Variants in ASB5 observed in about 807,000 individuals in gnomAD.
ASB5 encodes the protein ankyrin repeat and SOCS box containing 5.
In ASB5, 45 loss-of-function variants were observed where a neutral mutation model predicts 42.1. The observed-to-expected ratio is 1.07, with a 90% confidence interval of 0.84 to 1.37. The LOEUF is 1.37. Among genes scored for constraint, ASB5 ranks in the 40% most tolerant of loss-of-function variants. The probability of loss-of-function intolerance (pLI) is 0.00; values close to 1 mark genes in which losing one functional copy is unlikely to be tolerated. For missense variants in ASB5, 402 were observed against 399.8 expected (o/e 1.01, Z -0.05); for synonymous variants, 147 against 150.6 (o/e 0.98, Z 0.18).
chr4:176,219,747 A>G (rs1753148276), intron 5 of ASB5, among the ~76,000 whole-genome samples: 1 of 150,576 alleles, frequency 6.6e-6, no homozygotes, highest in South Asian at 2.1e-4. Context: ...TTGTATTTTT[A>G]ATAGAGACAG....
Position 176,245,303 on chromosome 4 carries a change from T to C in ASB5, c.197-19962A>G, listed in dbSNP as rs577323398. 1.2e-4 allele frequency among the ~76,000 whole-genome samples: 18 copies of C among 152,224 alleles called. No homozygotes were observed. The South Asian group carries it at 3.7e-3, about 32-fold the overall frequency. ...CAACAGACACATGAAAAAATGCTCATCATCACTGGTCATCAGAGAAATGCA... is the reference window on the plus strand; with the variant it reads ...CAACAGACACATGAAAAAATGCTCACCATCACTGGTCATCAGAGAAATGCA... On this transcript the variant is annotated intron_variant, in intron 1 of 6. Transcript: ENST00000296525.
At position 176,215,630 on chromosome 4, in the gene ASB5, CGTT is replaced by C. The variant is rs1561248482; in HGVS notation, c.957_959del (p.Thr320del). On this transcript the variant is annotated inframe_deletion, in exon 7 of 7. Coordinates refer to ENST00000296525, the MANE Select transcript of ASB5 (RefSeq NM_080874.4). The stretch of plus-strand genomic sequence containing the variant: ...GATACTGTAAGAAATTCTTCAGTAA[CGTT>C]GGCAGCTGGAGTTGTGGGATAAGGT... The C allele has an allele frequency of 3.7e-6, 6 of 1,612,710 alleles. No individual in the cohort carries two copies. The South Asian group carries it at 6.6e-5, about 18-fold the overall frequency.
At chr4:176,216,436 C>T (rs1203238098) in intron 6 of ASB5, among the ~76,000 whole-genome samples, 2 of 152,082 alleles carry the variant, frequency 1.3e-5, no homozygotes, top group African/African-American at 2.4e-5. Flanking sequence ...CTGCAACCTC[C>T]GCCTCCCGGG....
At chr4:176,236,179 T>A (rs63476661) in intron 1 of ASB5, among the ~76,000 whole-genome samples, 1 of 149,224 alleles carries the variant, frequency 6.7e-6, no homozygotes, top group South Asian at 2.1e-4. Flanking sequence ...TTTTTTTTTT[T>A]AATTTTTGCC....
At chr4:176,250,935 C>A (rs957582544) in intron 1 of ASB5, among the ~76,000 whole-genome samples, 3 of 152,154 alleles carry the variant, frequency 2.0e-5, no homozygotes, top group Non-Finnish European at 4.4e-5. Context: ...ATTCTTTTTA[C>A]CCACTTTGTC....
At chr4:176,225,175 G>T in intron 2 of ASB5, 87 bp downstream of exon 2, 1 of 1,083,384 alleles carries the variant, frequency 9.2e-7, no homozygotes, top group Non-Finnish European at 1.4e-6. Context: ...AATGTAAGTG[G>T]TTTTATCATA....
chr4:176,221,505 G>T lies in ASB5; in HGVS notation c.480C>A (p.Ala160=), dbSNP rs1433748968. The T allele has an allele frequency of 6.2e-7, 1 of 1,614,128 alleles. No individual in the cohort carries two copies. ...SCAELLLEYG[A]KAQLESCLPS... Reference sequence around the variant, plus strand: ...GAAGACATGACTCCAGCTGGGCTTTGGCACCATACTCCAGAAGCAGCTCTG... The same window carrying T: ...GAAGACATGACTCCAGCTGGGCTTTTGCACCATACTCCAGAAGCAGCTCTG... Residue 160 remains alanine, a synonymous_variant, in exon 4 of 7, where the codon GCC becomes GCA. Transcript: ENST00000296525.
chr4:176,269,023 A>C lies in ASB5; in HGVS notation c.86T>G (p.Leu29Arg). The C allele has an allele frequency of 6.2e-7, 1 of 1,613,700 alleles. No homozygotes were observed. The highest frequency in any genetic ancestry group is 1.1e-5 in the South Asian group (1 of 91,052). The stretch of plus-strand genomic sequence containing the variant: ...GATGGCAAGGCTGATTTTCACAAAA[A>C]GCTTAAAACAGAACAGCGAAAGTAT... The part of the protein sequence containing the change: ...FTILSLFCFK[L>R]FVKISLAILS... The change falls in exon 1 of 7, where the codon CTT becomes CGT. Residue 29 changes from leucine to arginine, a missense_variant. Leu to Arg is a moderately radical substitution (Grantham distance 102). Coordinates refer to ENST00000296525, the MANE Select transcript of ASB5 (RefSeq NM_080874.4).
chr4:176,242,725 T>C (rs1447067107), intron 1 of ASB5, among the ~76,000 whole-genome samples: 1 of 152,218 alleles, frequency 6.6e-6, no homozygotes, highest in African/African-American at 2.4e-5. Context: ...ACTTTATTAA[T>C]TTCTGCTTGC....
intron 1 of ASB5, among the ~76,000 whole-genome samples, chr4:176,266,482 C>T (rs1754358975): frequency 6.6e-6 from 1 of 152,026 alleles, no homozygotes; most frequent in Non-Finnish European, 1.5e-5. Flanking sequence ...AAATAGTTTA[C>T]TTATAGTAAA....
At chr4:176,234,837 G>T (rs1753644696) in intron 1 of ASB5, among the ~76,000 whole-genome samples, 1 of 152,086 alleles carries the variant, frequency 6.6e-6, no homozygotes. Flanking sequence ...TATAAAATGG[G>T]GGCAATCATA....
rs2126948968 is a variant in ASB5 at position 176,225,297 on chromosome 4, C to G, written c.241G>C (p.Gly81Arg). ...AATGTTCTCAGAGCAAGAAGGCGAC[C>G]TTGACTTGCTGCTTCATGTAGTGGT... The part of the protein sequence containing the change: ...RSPLHEAASQ[G>R]RLLALRTLLS... Residue 81 changes from glycine (G) to arginine (R), a missense_variant, in exon 2 of 7, where the codon GGT (glycine) becomes CGT (arginine). Gly to Arg is a moderately radical substitution (Grantham distance 125). Transcript: ENST00000296525. 1.2e-6 allele frequency: 2 copies of G among 1,613,944 alleles called. No individual in the cohort carries two copies. Among genetic ancestry groups the G allele is most frequent in the East Asian group, 2.2e-5 (1 of 44,864 alleles).
intron 1 of ASB5, among the ~76,000 whole-genome samples, chr4:176,225,746 C>T (rs75794089): frequency 3.9e-5 from 6 of 152,094 alleles, no homozygotes; most frequent in South Asian, 2.1e-4. Context: ...CACACCACCA[C>T]GCCCGGATCA....
At chr4:176,230,819 A>C (rs1423921813) in intron 1 of ASB5, among the ~76,000 whole-genome samples, 1 of 152,240 alleles carries the variant, frequency 6.6e-6, no homozygotes, top group East Asian at 1.9e-4. Context: ...ACTACTTAGT[A>C]ATTTTATAAT....
intron 1 of ASB5, among the ~76,000 whole-genome samples, chr4:176,268,627 T>C (rs1359750382): frequency 1.3e-5 from 2 of 152,114 alleles, no homozygotes; most frequent in African/African-American, 4.8e-5. Flanking sequence ...TTAAAATGTT[T>C]CTTAATAGGA....
intron 1 of ASB5, among the ~76,000 whole-genome samples, chr4:176,252,366 G>C (rs1451555914): frequency 6.6e-6 from 1 of 152,222 alleles, no homozygotes; most frequent in Non-Finnish European, 1.5e-5. Flanking sequence ...GGGACAGTTA[G>C]AACAGGTACC....
rs757261562 is a variant in ASB5 at position 176,216,869 on chromosome 4, C to G, written c.811G>C (p.Asp271His). The change falls in exon 6 of 7, where the codon GAT (aspartate) becomes CAT (histidine). Residue 271 changes from aspartate to histidine, a missense_variant. Transcript: ENST00000296525. ...AKNTELLRPIDVATSSSMVER... is the reference protein window; with the variant it reads ...AKNTELLRPIHVATSSSMVER... ...ACCATACTGCTAGACGTAGCTACAT[C>G]TATAGGTCGCAGAAGCTCTGTATTT... 6.2e-7 allele frequency: 1 copy of G among 1,613,576 alleles called. No individual in the cohort carries two copies. The highest frequency in any genetic ancestry group is 1.7e-5 in the Admixed American group (1 of 59,888).
intron 1 of ASB5, among the ~76,000 whole-genome samples, chr4:176,276,976 G>A (rs1171055657): frequency 6.6e-6 from 1 of 152,108 alleles, no homozygotes; most frequent in Admixed American, 6.6e-5. Flanking sequence ...AAGGTCTTCA[G>A]AAGAACTAGT....
intron 1 of ASB5, among the ~76,000 whole-genome samples, chr4:176,239,314 T>A (rs973332100): frequency 2.6e-5 from 4 of 152,186 alleles, no homozygotes; most frequent in African/African-American, 4.8e-5. Flanking sequence ...AAAAGAAATT[T>A]CAATTTGAAG....
Sources: gnomAD v4.1 joint callset for allele counts (sites outside exome capture counted in the v4.1 genomes callset) on GRCh38, gnomAD v4.1.1 for gene constraint, MANE v1.5 for transcripts, NCBI Gene and HGNC (gene_info 2026-07-23, HGNC 2026-07-21) for gene names.